The following PALM2AKAP2 variants were observed in gnomAD, a reference collection of about 807,000 sequenced individuals.
PALM2AKAP2 encodes the protein PALM2-AKAP2 fusion protein.
PALM2AKAP2 carries 37 observed loss-of-function variants against 71.5 expected under a neutral mutation model. That is an observed-to-expected ratio of 0.52 (90% CI 0.40 to 0.68). The LOEUF is 0.68. Ranked by LOEUF, PALM2AKAP2 falls within the 30% of genes least tolerant of loss-of-function variation. PALM2AKAP2 has a pLI of 0.00. For synonymous variants in PALM2AKAP2, 468 were observed against 478.8 expected, an observed-to-expected ratio of 0.98 and a Z score of 0.29; for missense variants, 1,224 against 1,191.8, an observed-to-expected ratio of 1.03 and a Z score of -0.40.
chr9:109,918,000 T>G (rs1244135588), intron 3 of PALM2AKAP2, among the ~76,000 whole-genome samples: 1 of 152,182 alleles, frequency 6.6e-6, no homozygotes, highest in Non-Finnish European at 1.5e-5. Context: ...AGAAGACCAC[T>G]CAGCGTCCCC....
intron 7 of PALM2AKAP2, among the ~76,000 whole-genome samples, chr9:110,035,456 T>C (rs1833376740): frequency 6.9e-6 from 1 of 144,242 alleles, no homozygotes; most frequent in African/African-American, 2.6e-5. Context: ...ATAATACAGA[T>C]ATATGTATAT....
At chr9:109,705,718 G>A (rs186915809) in intron 1 of PALM2AKAP2, among the ~76,000 whole-genome samples, 128 of 152,310 alleles carry the variant, frequency 8.4e-4, no homozygotes, top group African/African-American at 2.9e-3. Flanking sequence ...TAAGTGCACA[G>A]ATATTTGGAG....
intron 7 of PALM2AKAP2, among the ~76,000 whole-genome samples, chr9:110,042,165 G>A (rs1833520013): frequency 6.6e-6 from 1 of 152,188 alleles, no homozygotes; most frequent in African/African-American, 2.4e-5. Context: ...GGTGGCTCAG[G>A]CCTGTAATCT....
At chr9:109,831,652 G>T (rs1248661171) in intron 1 of PALM2AKAP2, among the ~76,000 whole-genome samples, 1 of 152,166 alleles carries the variant, frequency 6.6e-6, no homozygotes, top group East Asian at 1.9e-4. Context: ...GAATAAGGAA[G>T]TCTAAAGTCA....
chr9:110,165,326 ACACG>A (rs1490034665), intron 3 of PALM2AKAP2, among the ~76,000 whole-genome samples: 2 of 141,176 alleles, frequency 1.4e-5, no homozygotes, highest in Admixed American at 7.4e-5. Context: ...ACACACACAC[ACACG>A]TCTGAATTAA....
At position 109,795,431 on chromosome 9, in the gene PALM2AKAP2, A is replaced by G. The variant is rs192495370; in HGVS notation, c.45+14898A>G. Among the ~76,000 whole-genome samples the G allele has an allele frequency of 5.9e-5, 9 of 152,376 alleles. No individual in the cohort carries two copies. The East Asian group carries it at 1.7e-3, about 29-fold the overall frequency. On this transcript the variant is annotated intron_variant, in intron 1 of 9. Transcript: ENST00000302798. ...AATCCCTCACGACAATATTGATTTAACTAACCTGCACGTTGTGCACGTGTA... is the reference window on the plus strand; with the variant it reads ...AATCCCTCACGACAATATTGATTTAGCTAACCTGCACGTTGTGCACGTGTA...
intron 1 of PALM2AKAP2, among the ~76,000 whole-genome samples, chr9:109,728,619 C>A (rs141855958): frequency 2.6e-5 from 4 of 152,144 alleles, no homozygotes; most frequent in Admixed American, 6.6e-5. Context: ...TATGTACTCT[C>A]GAGAATTTTA....
chr9:109,650,795 A>G (rs894861647), intron 1 of PALM2AKAP2, among the ~76,000 whole-genome samples: 1 of 152,234 alleles, frequency 6.6e-6, no homozygotes, highest in Admixed American at 6.5e-5. Flanking sequence ...TGAGGGAAGC[A>G]CAGAGAAGAC....
chr9:110,150,402 C>T (rs989545337), intron 2 of PALM2AKAP2, among the ~76,000 whole-genome samples: 5 of 152,182 alleles, frequency 3.3e-5, no homozygotes, highest in South Asian at 2.1e-4. Flanking sequence ...TTCCCTCTTT[C>T]GTTCTGTATG....
At chr9:110,013,841 C>T (rs1832926207) in intron 6 of PALM2AKAP2, among the ~76,000 whole-genome samples, 1 of 152,130 alleles carries the variant, frequency 6.6e-6, no homozygotes, top group Non-Finnish European at 1.5e-5. Flanking sequence ...CATTCATCAC[C>T]TTTTGTTCAG....
intron 1 of PALM2AKAP2, among the ~76,000 whole-genome samples, chr9:109,849,206 G>A (rs1417726657): frequency 1.3e-5 from 2 of 152,128 alleles, no homozygotes; most frequent in East Asian, 3.8e-4. Flanking sequence ...GGCACTGTCA[G>A]CCTTCTGCCT....
intron 4 of PALM2AKAP2, among the ~76,000 whole-genome samples, 190 bp from the exon 5 acceptor site, chr9:109,924,871 A>C (rs1830916294): frequency 6.6e-6 from 1 of 152,196 alleles, no homozygotes; most frequent in Non-Finnish European, 1.5e-5. Flanking sequence ...ATTTAGTATA[A>C]ATTGGGAATT....
At chr9:109,954,828 A>T (rs1202636915) in intron 6 of PALM2AKAP2, among the ~76,000 whole-genome samples, 1 of 152,130 alleles carries the variant, frequency 6.6e-6, no homozygotes, top group Non-Finnish European at 1.5e-5. Context: ...GCCAATAATA[A>T]TAAATTAAGA....
intron 1 of PALM2AKAP2, among the ~76,000 whole-genome samples, chr9:110,062,095 A>C (rs545626188): frequency 6.6e-6 from 1 of 152,302 alleles, no homozygotes; most frequent in African/African-American, 2.4e-5. Flanking sequence ...GCATTAAAAA[A>C]ATTTTATTTT....
rs559393424 is a variant in PALM2AKAP2 at position 110,059,006 on chromosome 9, T to C, written c.156+10151T>C. Among the ~76,000 whole-genome samples the C allele has an allele frequency of 2.0e-5, 3 of 150,872 alleles. No individual in the cohort carries two copies. In the East Asian group the frequency reaches 5.8e-4, roughly 29 times the overall value. ...CCTCCGCCCCCTGGGTTCAAGCGAT[T>C]CTGCTGCCTCAGCCTCCCTAGTAGC... On this transcript the variant is annotated intron_variant, in intron 1 of 3. Coordinates refer to ENST00000374525, the Ensembl canonical transcript of PALM2AKAP2.
intron 3 of PALM2AKAP2, 106 bp from the exon 10 acceptor site, chr9:110,161,988 C>A: frequency 1.4e-6 from 2 of 1,456,266 alleles, no homozygotes; most frequent in African/African-American, 1.4e-5. Flanking sequence ...CCTGGTATTA[C>A]TTCCCCTCCC....
At chr9:109,947,721 CT>C (rs1831544296) in intron 6 of PALM2AKAP2, among the ~76,000 whole-genome samples, 1 of 152,202 alleles carries the variant, frequency 6.6e-6, no homozygotes, top group Admixed American at 6.5e-5. Context: ...CTAACAGGTC[CT>C]TTCCTGGAAG....
chr9:109,750,407 C>A (rs1828868550), intron 1 of PALM2AKAP2, among the ~76,000 whole-genome samples: 1 of 151,886 alleles, frequency 6.6e-6, no homozygotes, highest in African/African-American at 2.4e-5. Flanking sequence ...TATAATTCTG[C>A]AAAAGTAATA....
chr9:110,017,092 G>C (rs1034977444), intron 7 of PALM2AKAP2, among the ~76,000 whole-genome samples: 1 of 152,158 alleles, frequency 6.6e-6, no homozygotes, highest in Non-Finnish European at 1.5e-5. Flanking sequence ...TGTTAGCCAG[G>C]ATGGTCTCGA....
Sources: gnomAD v4.1 joint callset for allele counts (sites outside exome capture counted in the v4.1 genomes callset) on GRCh38, gnomAD v4.1.1 for gene constraint, MANE v1.5 for transcripts, NCBI Gene and HGNC (gene_info 2026-07-23, HGNC 2026-07-21) for gene names.